Variants in ARHGEF10 observed in about 807,000 individuals in gnomAD.
ARHGEF10 encodes Rho guanine nucleotide exchange factor 10, also known as Rho guanine nucleotide exchange factor (GEF) 10.
ARHGEF10 carries 140 observed loss-of-function variants against 147.4 expected under a neutral mutation model. That is an observed-to-expected ratio of 0.95 (90% CI 0.83 to 1.09). ARHGEF10 has a LOEUF of 1.09. Ranked by LOEUF, ARHGEF10 falls within the 50% of genes least tolerant of loss-of-function variation. The pLI, the probability that ARHGEF10 is intolerant of heterozygous loss-of-function variation, is 0.00. For missense variants in ARHGEF10, 2,222 were observed against 1,752.7 expected, an observed-to-expected ratio of 1.27 and a Z score of -4.78; for synonymous variants, 902 against 695.8, an observed-to-expected ratio of 1.30 and a Z score of -4.67.
Position 1,847,350 on chromosome 8 carries a change from C to T in ARHGEF10, c.37+3914C>T, listed in dbSNP as rs564177701. On this transcript the variant is annotated intron_variant, in intron 2 of 28. Transcript: ENST00000349830. ...CCTAGCTGGTAAGCACTCAGCAAAT[C>T]CATTCAGAAGATGATCTGGGATTTC... Among the ~76,000 whole-genome samples the T allele has an allele frequency of 7.9e-5, 12 of 152,326 alleles. No individual in the cohort carries two copies. In the East Asian group the frequency reaches 2.3e-3, roughly 29 times the overall value.
At chr8:1,830,074 T>G (rs967360202) in intron 1 of ARHGEF10, among the ~76,000 whole-genome samples, 11 of 152,210 alleles carry the variant, frequency 7.2e-5, no homozygotes, top group African/African-American at 2.7e-4. Flanking sequence ...AGCTCCCGCT[T>G]GCTCTAAAGA....
chr8:1,845,167 G>A (rs968530968), intron 2 of ARHGEF10, among the ~76,000 whole-genome samples: 10 of 152,188 alleles, frequency 6.6e-5, no homozygotes, highest in Non-Finnish European at 1.0e-4. Flanking sequence ...ATGAGGCAGA[G>A]AGCAAAATCT....
chr8:1,825,238 T>TC (rs201427148), intron 1 of ARHGEF10, among the ~76,000 whole-genome samples: 1 of 144 alleles, frequency 6.9e-3, no homozygotes, highest in Non-Finnish European at 9.4e-3. Context: ...ACCCCACCTG[T>TC]CCCCCGCACC....
intron 25 of ARHGEF10, 23 bp downstream of exon 25, chr8:1,929,466 C>T: frequency 6.3e-7 from 1 of 1,590,190 alleles, no homozygotes; most frequent in Non-Finnish European, 8.6e-7. Flanking sequence ...TCACGGCCTC[C>T]TGGCCGGTCC....
intron 14 of ARHGEF10, among the ~76,000 whole-genome samples, chr8:1,897,088 G>A (rs777295533): frequency 6.6e-6 from 1 of 152,210 alleles, no homozygotes; most frequent in Non-Finnish European, 1.5e-5. Context: ...AGACGTCGGC[G>A]GAACTGAGTC....
chr8:1,899,143 C>G (rs7004829), intron 15 of ARHGEF10, among the ~76,000 whole-genome samples: 1 of 152,200 alleles, frequency 6.6e-6, no homozygotes, highest in East Asian at 1.9e-4. Flanking sequence ...GCTGACGTGA[C>G]GTCTCACAGC....
At chr8:1,926,813 T>G (rs2129220667) in intron 23 of ARHGEF10, 1 of 342,886 alleles carries the variant, frequency 2.9e-6, no homozygotes, top group East Asian at 7.3e-5. Flanking sequence ...ACTGGCTTTT[T>G]CCAGTGGAAA....
At chr8:1,878,193 G>A (rs1010129601) in intron 8 of ARHGEF10, among the ~76,000 whole-genome samples, 5 of 112,252 alleles carry the variant, frequency 4.5e-5, no homozygotes, top group African/African-American at 1.7e-4. Flanking sequence ...TAGTTTTTCG[G>A]GTTTTTTTTT....
Position 1,923,476 on chromosome 8 carries a change from C to G in ARHGEF10, c.2268C>G (p.Asn756Lys). Residue 756 changes from asparagine to lysine, a missense_variant, in exon 20 of 29, where the codon AAC becomes AAG. By Grantham distance (94) the Asn-to-Lys change is moderately conservative (BLOSUM62 0). Transcript: ENST00000349830. ...ATTTATTTCCTTTGTAGAACTTAAA[C>G]CAGTCAGTAGCCCATGACTGGACAT... is the stretch of plus-strand genomic sequence containing the variant. ...GNLKGNYQNL[N>K]QSVAHDWTSG... 1.2e-6 allele frequency: 2 copies of G among 1,614,086 alleles called. No homozygotes were observed. Among genetic ancestry groups the G allele is most frequent in the Non-Finnish European group, 1.7e-6 (2 of 1,180,030 alleles).
At chr8:1,886,147 T>A (rs1808639065) in intron 11 of ARHGEF10, among the ~76,000 whole-genome samples, 1 of 152,174 alleles carries the variant, frequency 6.6e-6, no homozygotes, top group Non-Finnish European at 1.5e-5. Context: ...TATAATGCAT[T>A]TCTTAAAAAT....
chr8:1,908,414 A>G (rs1811080798), intron 17 of ARHGEF10, among the ~76,000 whole-genome samples: 1 of 151,806 alleles, frequency 6.6e-6, no homozygotes, highest in Non-Finnish European at 1.5e-5. Context: ...AAATATTTTT[A>G]GTAGAGATGG....
rs571912002 is a variant in ARHGEF10, at chr8:1,922,184, C to T, written c.2144-780C>T. Reference sequence around the variant, plus strand: ...AGGAAGCCCTCTGTGAGGGGTAGAGCAATTCTCACTTGGGCAAATAGACCC... The same window carrying T: ...AGGAAGCCCTCTGTGAGGGGTAGAGTAATTCTCACTTGGGCAAATAGACCC... On this transcript the variant is annotated intron_variant, in intron 18 of 28. Coordinates refer to ENST00000349830, the MANE Select transcript of ARHGEF10 (RefSeq NM_014629.4). 3.3e-5 allele frequency among the ~76,000 whole-genome samples: 5 copies of T among 151,432 alleles called. No individual in the cohort carries two copies. The East Asian group carries it at 9.8e-4, about 30-fold the overall frequency.
intron 18 of ARHGEF10, among the ~76,000 whole-genome samples, chr8:1,918,106 C>G (rs1811896870): frequency 6.6e-6 from 1 of 152,144 alleles, no homozygotes; most frequent in South Asian, 2.1e-4. Flanking sequence ...TTTCTTTAAT[C>G]AATTTTGGCC....
intron 2 of ARHGEF10, among the ~76,000 whole-genome samples, chr8:1,844,196 A>T (rs1048824488): frequency 6.6e-6 from 1 of 152,114 alleles, no homozygotes; most frequent in Non-Finnish European, 1.5e-5. Context: ...GCCCCTTGGC[A>T]CTGTGGGTGT....
chr8:1,915,910 T>C (rs1343835655), intron 18 of ARHGEF10, among the ~76,000 whole-genome samples: 1 of 152,256 alleles, frequency 6.6e-6, no homozygotes, highest in Non-Finnish European at 1.5e-5. Context: ...GATGCATCCC[T>C]GGAGCTATGA....
chr8:1,906,168 C>T (rs896591337), intron 17 of ARHGEF10, among the ~76,000 whole-genome samples: 2 of 152,132 alleles, frequency 1.3e-5, no homozygotes, highest in Non-Finnish European at 2.9e-5. Flanking sequence ...ACATCAGAAT[C>T]GTTCTCCAAT....
intron 10 of ARHGEF10, among the ~76,000 whole-genome samples, chr8:1,884,352 C>G (rs1808474604): frequency 6.6e-6 from 1 of 150,584 alleles, no homozygotes; most frequent in African/African-American, 2.4e-5. Context: ...GCCGAGATTG[C>G]GCCACTGCAC....
chr8:1,854,534 A>C (rs1805401641), intron 2 of ARHGEF10, among the ~76,000 whole-genome samples: 1 of 151,162 alleles, frequency 6.6e-6, no homozygotes, highest in Non-Finnish European at 1.5e-5. Flanking sequence ...CAGAGGATGG[A>C]GGGCAGCTCC....
chr8:1,921,745 G>A (rs1437186162), intron 18 of ARHGEF10, among the ~76,000 whole-genome samples: 1 of 140,968 alleles, frequency 7.1e-6, no homozygotes, highest in Non-Finnish European at 1.6e-5. Context: ...CAAAAAAAAA[G>A]AAAAAAGAAA....
Sources: allele counts gnomAD v4.1 joint callset (sites outside exome capture counted in the v4.1 genomes callset), GRCh38; gene constraint gnomAD v4.1.1; transcripts MANE v1.5; gene names NCBI Gene and HGNC (gene_info 2026-07-23, HGNC 2026-07-21).